The following SNRNP200 variants were observed in gnomAD, a reference collection of about 807,000 sequenced individuals.
SNRNP200 encodes small nuclear ribonucleoprotein U5 subunit 200.
Under a neutral mutation model 255.2 loss-of-function variants are expected in SNRNP200, and 66 were observed. The ratio of observed to expected loss-of-function variants is 0.26; its 90% CI spans 0.21 to 0.32. The LOEUF (loss-of-function observed/expected upper bound fraction) is 0.32, where lower values mean the gene tolerates loss of function less well. SNRNP200 is among the 10% of genes least tolerant of loss of function. SNRNP200 has a pLI of 1.00. For missense variants in SNRNP200, 1,585 were observed against 2,749.8 expected (o/e 0.58, Z 9.47); for synonymous variants, 939 against 1,027.8 (o/e 0.91, Z 1.65).
chr2:96,293,174 G>A (rs576345591), intron 15 of SNRNP200, 79 bp from the exon 16 acceptor site: 35 of 1,593,648 alleles, frequency 2.2e-5, no homozygotes, highest in Non-Finnish European at 2.5e-5. Flanking sequence ...ACTGCCCCAA[G>A]AGCAATATTC....
In SNRNP200 at chr2:96,274,457, AC is replaced by A. The variant is rs1371795058; in HGVS notation, c.*554del. On this transcript the variant is annotated 3_prime_UTR_variant, in exon 45 of 45. Transcript: ENST00000323853. ...AATTTCAGAACCCCCATCTAGAGAA[AC>A]CCCTAACCTGTGATCTAGCTTCCGA... 6.2e-6 allele frequency: 1 copy of A among 161,228 alleles called. No individual in the cohort carries two copies. The highest frequency in any genetic ancestry group is 1.4e-5 in the Non-Finnish European group (1 of 73,302). The allele number at this position is 161,228 out of a possible 1,614,324, so 10.0% of individuals were successfully genotyped here. A position where few individuals can be genotyped will look rare whatever the true frequency, so the allele number is the denominator to read the frequency against.
At chr2:96,301,843 A>C (rs2063954479) in intron 3 of SNRNP200, 127 bp from the exon 4 acceptor site, 2 of 926,494 alleles carry the variant, frequency 2.2e-6, no homozygotes, top group Non-Finnish European at 3.4e-6. Flanking sequence ...CTAGGCTCTG[A>C]CCTTTCTCAT....
intron 5 of SNRNP200, among the ~76,000 whole-genome samples, chr2:96,299,771 G>A (rs1657989395): frequency 6.6e-6 from 1 of 152,188 alleles, no homozygotes; most frequent in Admixed American, 6.5e-5. Flanking sequence ...AAAGCAGGTG[G>A]TGACTCCGGA....
In SNRNP200 at chr2:96,305,522, C is replaced by T. The variant is rs1023412438; in HGVS notation, c.-85G>A. 1.2e-5 allele frequency: 19 copies of T among 1,579,506 alleles called. No homozygotes were observed. The African/African-American group carries it at 2.4e-4, about 20-fold the overall frequency. ...CCGCAGATCTCTGCTCCCGCCGCGC[C>T]GGAACGACGCAGGAAAGACGCACTG... is the stretch of plus-strand genomic sequence containing the variant. On this transcript the variant is annotated 5_prime_UTR_variant, in exon 1 of 45. Transcript: ENST00000323853.
At position 96,294,343 on chromosome 2, in the gene SNRNP200, C is replaced by A. The variant is rs1231079561; in HGVS notation, c.1843-834G>T. Among the ~76,000 whole-genome samples the A allele has an allele frequency of 2.6e-5, 4 of 152,096 alleles. No homozygotes were observed. The East Asian group carries it at 7.7e-4, about 29-fold the overall frequency. On this transcript the variant is annotated intron_variant, in intron 14 of 44. Transcript: ENST00000323853. ...ATCCCAGCTACTCGGGAGACTGAGGCAGGAGAACTGCTTGAACCCGGGAGG... is the reference window on the plus strand; with the variant it reads ...ATCCCAGCTACTCGGGAGACTGAGGAAGGAGAACTGCTTGAACCCGGGAGG...
In SNRNP200 at chr2:96,286,836, A is replaced by C. The variant is rs980796400; in HGVS notation, c.3681T>G (p.Asp1227Glu). The C allele has an allele frequency of 6.2e-7, 1 of 1,614,210 alleles. No individual in the cohort carries two copies. The highest frequency in any genetic ancestry group is 8.5e-7 in the Non-Finnish European group (1 of 1,180,042). ...GGTGCAGAATCACCTCGCTGTCCACATCCTCCACCAGAATCCAAAAAGCCT... is the reference window on the plus strand; with the variant it reads ...GGTGCAGAATCACCTCGCTGTCCACCTCCTCCACCAGAATCCAAAAAGCCT... ...SSEAFWILVEDVDSEVILHHE... is the reference protein window; with the variant it reads ...SSEAFWILVEEVDSEVILHHE... The change falls in exon 28 of 45, where the codon GAT becomes GAG. Residue 1227 changes from aspartate (D) to glutamate (E), a missense_variant. Around this residue, in one of 9 missense-constraint regions of SNRNP200, gnomAD observed 719 missense variants for 1,091.1 expected, o/e 0.66. Coordinates refer to ENST00000323853, the MANE Select transcript of SNRNP200 (RefSeq NM_014014.5). This position sits in a 1 kb window ranked among gnomAD's most constrained non-coding sequence, Gnocchi z 4.8.
chr2:96,283,337 G>A lies in SNRNP200; in HGVS notation c.4779C>T (p.Thr1593=), dbSNP rs145767009. 2.0e-5 allele frequency: 33 copies of A among 1,613,968 alleles called. No homozygotes were observed. The African/African-American group carries it at 2.7e-4, about 13-fold the overall frequency. ...CCAGGTACGGAATCAGATCCTTCTCGGTGCAGTGCAAGAACCTGTGCGGTA... is the reference window on the plus strand; with the variant it reads ...CCAGGTACGGAATCAGATCCTTCTCAGTGCAGTGCAAGAACCTGTGCGGTA... ...DIQRQRFLHC[T]EKDLIPYLEK... The change falls in exon 34 of 45, where the codon ACC becomes ACT. Residue 1593 remains threonine (T), a synonymous_variant. Coordinates refer to ENST00000323853, the MANE Select transcript of SNRNP200 (RefSeq NM_014014.5). This position sits in a 1 kb window ranked among gnomAD's most constrained non-coding sequence, Gnocchi z 4.7.
chr2:96,279,619 A>T (rs1167675707), intron 35 of SNRNP200, 60 bp from the exon 36 acceptor site: 1 of 1,080,866 alleles, frequency 9.3e-7, no homozygotes, highest in African/African-American at 1.6e-5. Flanking sequence ...CATGCTCAGG[A>T]AGCCCAACTC....
At chr2:96,296,494 G>A in intron 13 of SNRNP200, 42 bp downstream of exon 13, 1 of 1,607,192 alleles carries the variant, frequency 6.2e-7, no homozygotes, top group Non-Finnish European at 8.5e-7. Context: ...CACTTTCATA[G>A]GTGCACCCAG....
intron 31 of SNRNP200, 48 bp from the exon 32 acceptor site, chr2:96,284,052 C>A: frequency 6.5e-7 from 1 of 1,533,424 alleles, no homozygotes; most frequent in Non-Finnish European, 8.8e-7. Flanking sequence ...AGGCTCCCAT[C>A]CTCTGCCTGG....
At position 96,277,882 on chromosome 2, in the gene SNRNP200, C is replaced by G; in HGVS notation, c.5679G>C (p.Leu1893=). 6.2e-7 allele frequency: 1 copy of G among 1,614,244 alleles called. No individual in the cohort carries two copies. Among genetic ancestry groups the G allele is most frequent in the Non-Finnish European group, 8.5e-7 (1 of 1,180,042 alleles). ...KFNDPHVKTN[L]LLQAHLSRMQ... Reference sequence around the variant, plus strand: ...TGCGAGACAAGTGAGCCTGCAGGAGCAGGTTGGTCTTGACGTGCGGATCAT... The same window carrying G: ...TGCGAGACAAGTGAGCCTGCAGGAGGAGGTTGGTCTTGACGTGCGGATCAT... The change falls in exon 40 of 45, where the codon CTG becomes CTC. Residue 1893 remains leucine, a synonymous_variant. Coordinates refer to ENST00000323853, the MANE Select transcript of SNRNP200 (RefSeq NM_014014.5). This position sits in a 1 kb window ranked among gnomAD's most constrained non-coding sequence, Gnocchi z 4.4.
chr2:96,279,200 G>C (rs1684719128), intron 36 of SNRNP200: 5 of 655,050 alleles, frequency 7.6e-6, no homozygotes, highest in Non-Finnish European at 1.4e-5. Context: ...GGGCAGAGCA[G>C]TGAGCAGCCC....
In SNRNP200 at chr2:96,285,235, T is replaced by A. The variant is rs114028687; in HGVS notation, c.4109A>T (p.Gln1370Leu). The change falls in exon 30 of 45, where the codon CAG (glutamine) becomes CTG (leucine). Residue 1370 changes from glutamine (Q) to leucine (L), a missense_variant. Physicochemically the swap from Gln to Leu is moderately radical, Grantham distance 113. Around this residue, in one of 9 missense-constraint regions of SNRNP200, gnomAD observed 719 missense variants for 1,091.1 expected, o/e 0.66. Transcript: ENST00000323853. ...GTACACACAGCGCCCCTCCGAGCTC[T>A]GCAGCAGCATTCGCAGGATGGCAAA... ...AEFAILRMLL[Q>L]SSEGRCVYIT... The A allele has an allele frequency of 5.0e-6, 8 of 1,614,188 alleles. No individual in the cohort carries two copies. In the African/African-American group the frequency reaches 1.1e-4, roughly 22 times the overall value.
chr2:96,291,771 T>G lies in SNRNP200; in HGVS notation c.2290A>C (p.Thr764Pro). Residue 764 changes from threonine (T) to proline (P), a missense_variant, in exon 17 of 45, where the codon ACA becomes CCA. Thr to Pro is a conservative substitution (Grantham distance 38). Around this residue, in one of 9 missense-constraint regions of SNRNP200, gnomAD observed 140 missense variants for 274.9 expected, o/e 0.51. Transcript: ENST00000323853. The surrounding 1 kb of genome is among the most constrained non-coding windows in gnomAD (Gnocchi z 4.2). ...EGSASTEVLRTEAEQCKNLEL... is the reference protein window; with the variant it reads ...EGSASTEVLRPEAEQCKNLEL... Reference sequence around the variant, plus strand: ...CTCACCTTGCACTGCTCAGCTTCTGTTCGCAGGACTTCTGTGGAGGCTGAG... The same window carrying G: ...CTCACCTTGCACTGCTCAGCTTCTGGTCGCAGGACTTCTGTGGAGGCTGAG... 1.2e-6 allele frequency: 2 copies of G among 1,614,160 alleles called. No individual in the cohort carries two copies. Among genetic ancestry groups the G allele is most frequent in the Non-Finnish European group, 1.7e-6 (2 of 1,180,044 alleles).
chr2:96,300,882 TA>T, intron 5 of SNRNP200, 115 bp downstream of exon 5: 1 of 883,618 alleles, frequency 1.1e-6, no homozygotes, highest in Non-Finnish European at 1.9e-6. Flanking sequence ...CTGAAACCCA[TA>T]CAACACCATA....
In SNRNP200 at chr2:96,278,539, G is replaced by A; in HGVS notation, c.5488+8C>T. 2 of 1,613,844 alleles carry A rather than the reference G, an allele frequency of 1.2e-6. No individual in the cohort carries two copies. The highest frequency in any genetic ancestry group is 1.7e-6 in the Non-Finnish European group (2 of 1,180,028). ...CACAGACAGGACACGGGCCATGCCGGGCCTCACCAATGGTGGTGTAGTTGA... is the reference window on the plus strand; with the variant it reads ...CACAGACAGGACACGGGCCATGCCGAGCCTCACCAATGGTGGTGTAGTTGA... On this transcript the variant is annotated splice_region_variant and intron_variant, in intron 38 of 44. Coordinates refer to ENST00000323853, the MANE Select transcript of SNRNP200 (RefSeq NM_014014.5). The surrounding 1 kb of genome is among the most constrained non-coding windows in gnomAD (Gnocchi z 6.9).
intron 14 of SNRNP200, among the ~76,000 whole-genome samples, chr2:96,294,937 G>A (rs544520481): frequency 3.0e-4 from 46 of 152,294 alleles, no homozygotes; most frequent in Non-Finnish European, 5.9e-4. Flanking sequence ...CAGGCTAGGC[G>A]CAGTGGCTCA....
At chr2:96,300,940 T>G (rs2063948711) in intron 5 of SNRNP200, 58 bp downstream of exon 5, 8 of 1,399,958 alleles carry the variant, frequency 5.7e-6, no homozygotes, top group Non-Finnish European at 8.1e-6. Flanking sequence ...CTAGAAGGGG[T>G]CCCTTTACCT....
intron 6 of SNRNP200, 31 bp from the exon 7 acceptor site, chr2:96,298,998 A>G: frequency 6.2e-7 from 1 of 1,612,998 alleles, no homozygotes; most frequent in Non-Finnish European, 8.5e-7. Context: ...TTAGCTCACC[A>G]GGTCTCTGCC....
Sources: allele counts gnomAD v4.1 joint callset (sites outside exome capture counted in the v4.1 genomes callset), GRCh38; gene constraint gnomAD v4.1.1; regional missense constraint gnomAD v4.1.1; non-coding constraint Gnocchi (gnomAD v3.1); transcripts MANE v1.5; gene names NCBI Gene and HGNC (gene_info 2026-07-23, HGNC 2026-07-21).